The following PPM1E variants were observed in gnomAD, a reference collection of about 807,000 sequenced individuals.
PPM1E encodes the protein protein phosphatase, Mg2+/Mn2+ dependent 1E.
PPM1E carries 20 observed loss-of-function variants against 65.9 expected under a neutral mutation model. That is an observed-to-expected ratio of 0.30 (90% confidence interval 0.21 to 0.44). The LOEUF is 0.44. PPM1E is among the 20% of genes least tolerant of loss of function. PPM1E has a pLI of 1.00. For synonymous variants in PPM1E, 352 were observed against 374.9 expected (o/e 0.94, Z 0.70); for missense variants, 713 against 953.1 (o/e 0.75, Z 3.32).
chr17:58,801,680 ATCTG>A (rs2050259708), intron 1 of PPM1E, among the ~76,000 whole-genome samples: 1 of 151,432 alleles, frequency 6.6e-6, no homozygotes. Context: ...TGACCTCGTG[ATCTG>A]TCTGCCTCAA....
intron 1 of PPM1E, among the ~76,000 whole-genome samples, chr17:58,854,011 A>T (rs2050855781): frequency 1.3e-5 from 2 of 152,168 alleles, no homozygotes; most frequent in Non-Finnish European, 1.5e-5. Context: ...GGATCACTGA[A>T]TAATATTGAC....
intron 1 of PPM1E, chr17:58,785,487 T>G (rs1325726088): frequency 3.8e-5 from 5 of 132,212 alleles, no homozygotes; most frequent in African/African-American, 1.4e-4. Flanking sequence ...TATATATATA[T>G]ATAGTAGAAC....
intron 1 of PPM1E, among the ~76,000 whole-genome samples, chr17:58,817,753 C>G (rs1004659064): frequency 1.3e-5 from 2 of 151,498 alleles, no homozygotes; most frequent in Non-Finnish European, 2.9e-5. Flanking sequence ...AGAATACACT[C>G]TAGTTTTTTT....
chr17:58,792,411 G>C (rs550407525), intron 1 of PPM1E, among the ~76,000 whole-genome samples: 204 of 151,776 alleles, frequency 1.3e-3, no homozygotes, highest in African/African-American at 4.6e-3. Flanking sequence ...TGTGATCTTG[G>C]CTCACTGCAA....
chr17:58,974,539 G>A (rs1308870379), intron 6 of PPM1E, among the ~76,000 whole-genome samples: 1 of 152,046 alleles, frequency 6.6e-6, no homozygotes, highest in East Asian at 1.9e-4. Flanking sequence ...CTCACTTTGG[G>A]CCCTGGGTTT....
chr17:58,929,911 CA>C (rs1204099647), intron 1 of PPM1E, among the ~76,000 whole-genome samples: 2 of 152,090 alleles, frequency 1.3e-5, no homozygotes, highest in Non-Finnish European at 2.9e-5. Context: ...TGTTTATTCT[CA>C]ACTCATCATT....
intron 1 of PPM1E, among the ~76,000 whole-genome samples, chr17:58,791,975 TTTC>T (rs1263641921): frequency 6.6e-6 from 1 of 152,148 alleles, no homozygotes; most frequent in Non-Finnish European, 1.5e-5. Flanking sequence ...ACCTAACACT[TTTC>T]TTCCTTGCCC....
intron 1 of PPM1E, among the ~76,000 whole-genome samples, chr17:58,806,693 G>GTTTTT (rs2050317576): frequency 1.5e-5 from 2 of 131,550 alleles, no homozygotes; most frequent in Non-Finnish European, 1.6e-5. Context: ...GTTTTGTTTT[G>GTTTTT]TTTTCTTTTT....
At chr17:58,777,360 A>G (rs970198854) in intron 1 of PPM1E, among the ~76,000 whole-genome samples, 1 of 152,234 alleles carries the variant, frequency 6.6e-6, no homozygotes. Context: ...CGTGGAACTC[A>G]AAGGAAAAAG....
intron 1 of PPM1E, among the ~76,000 whole-genome samples, chr17:58,894,746 TG>T (rs573299076): frequency 1.1e-4 from 17 of 152,308 alleles, no homozygotes; most frequent in African/African-American, 2.2e-4. Context: ...AATTGTTTAA[TG>T]TTTTTTTAAT....
At chr17:58,787,433 ATTTG>A (rs1389997697) in intron 1 of PPM1E, among the ~76,000 whole-genome samples, 1 of 150,828 alleles carries the variant, frequency 6.6e-6, no homozygotes, top group Non-Finnish European at 1.5e-5. Flanking sequence ...ATAGCTTAAT[ATTTG>A]TTTGGTAAAA....
chr17:58,977,201 T>A (rs2031056047), intron 6 of PPM1E, among the ~76,000 whole-genome samples: 1 of 151,934 alleles, frequency 6.6e-6, no homozygotes, highest in Admixed American at 6.6e-5. Flanking sequence ...TCCCAGCACT[T>A]TGAGAAGCCC....
At chr17:58,765,205 G>T (rs1244332811) in intron 1 of PPM1E, among the ~76,000 whole-genome samples, 1 of 146,136 alleles carries the variant, frequency 6.8e-6, no homozygotes, top group African/African-American at 2.6e-5. Flanking sequence ...TTGAGACAGG[G>T]TCTCGCTCTG....
chr17:58,826,648 T>C (rs2050539998), intron 1 of PPM1E, among the ~76,000 whole-genome samples: 1 of 152,188 alleles, frequency 6.6e-6, no homozygotes, highest in African/African-American at 2.4e-5. Context: ...TTTTTTTAGA[T>C]GGAACCTGGC....
intron 1 of PPM1E, among the ~76,000 whole-genome samples, chr17:58,939,408 T>C (rs2052033055): frequency 6.6e-6 from 1 of 152,346 alleles, no homozygotes; most frequent in Admixed American, 6.5e-5. Context: ...GGGTTTTATG[T>C]GTGTTTGTAG....
chr17:58,786,742 A>G (rs1428002386), intron 1 of PPM1E, among the ~76,000 whole-genome samples: 1 of 152,230 alleles, frequency 6.6e-6, no homozygotes, highest in East Asian at 1.9e-4. Flanking sequence ...TAATTCTGCC[A>G]CCGTTACACA....
chr17:58,968,329 G>A (rs1233797524), intron 3 of PPM1E, among the ~76,000 whole-genome samples: 1 of 152,114 alleles, frequency 6.6e-6, no homozygotes, highest in Non-Finnish European at 1.5e-5. Flanking sequence ...GGAGGCTGAG[G>A]CGGGATGATC....
intron 1 of PPM1E, among the ~76,000 whole-genome samples, chr17:58,870,392 G>T (rs543125600): frequency 6.6e-6 from 1 of 152,056 alleles, no homozygotes; most frequent in Non-Finnish European, 1.5e-5. Context: ...TGTTATATGG[G>T]TATATTGTGT....
chr17:58,930,482 C>G (rs2051880329), intron 1 of PPM1E, among the ~76,000 whole-genome samples: 1 of 151,902 alleles, frequency 6.6e-6, no homozygotes, highest in Non-Finnish European at 1.5e-5. Flanking sequence ...AAAAGAAAAA[C>G]TGAATAATAA....
Sources: gnomAD v4.1 joint callset for allele counts (sites outside exome capture counted in the v4.1 genomes callset) on GRCh38, gnomAD v4.1.1 for gene constraint, MANE v1.5 for transcripts, NCBI Gene and HGNC (gene_info 2026-07-23, HGNC 2026-07-21) for gene names.